TXK: variants seen among roughly 807,000 people sequenced by gnomAD.
TXK encodes TXK tyrosine kinase, also known as tyrosine-protein kinase TXK.
A neutral mutation model predicts 81.0 loss-of-function variants in TXK; 60 were observed. The ratio of observed to expected loss-of-function variants is 0.74; its 90% CI spans 0.60 to 0.92. TXK has a LOEUF of 0.92. TXK is among the 40% of genes least tolerant of loss of function. The probability of loss-of-function intolerance (pLI) is 0.00; values close to 1 mark genes in which losing one functional copy is unlikely to be tolerated. For synonymous variants in TXK, 203 were observed against 210.7 expected, an observed-to-expected ratio of 0.96 and a Z score of 0.32; for missense variants, 581 against 638.3, an observed-to-expected ratio of 0.91 and a Z score of 0.97.
chr4:48,097,010 C>T (rs563012375), intron 6 of TXK, among the ~76,000 whole-genome samples: 7 of 151,962 alleles, frequency 4.6e-5, no homozygotes, highest in African/African-American at 1.4e-4. Context: ...TAAGCATATT[C>T]AACTCAAGAA....
intron 1 of TXK, among the ~76,000 whole-genome samples, chr4:48,119,201 G>A (rs1718887015): frequency 6.6e-6 from 1 of 152,156 alleles, no homozygotes; most frequent in South Asian, 2.1e-4. Context: ...CCAAGATAAA[G>A]TTTAGGATGG....
At chr4:48,100,171 CAAAA>C (rs11341305) in intron 6 of TXK, among the ~76,000 whole-genome samples, 8 of 53,950 alleles carry the variant, frequency 1.5e-4, no homozygotes, top group Non-Finnish European at 1.6e-4. Context: ...GACTCCATCT[CAAAA>C]AAAAAAAAAA....
intron 2 of TXK, among the ~76,000 whole-genome samples, chr4:48,113,847 T>C (rs968971213): frequency 1.1e-4 from 16 of 152,168 alleles, no homozygotes; most frequent in Admixed American, 2.6e-4. Context: ...TTGAGAACTG[T>C]ATGAGTTAAT....
chr4:48,071,390 G>T, intron 14 of TXK, 127 bp downstream of exon 14: 1 of 940,772 alleles, frequency 1.1e-6, no homozygotes, highest in Non-Finnish European at 1.6e-6. Flanking sequence ...CAGACTCTCA[G>T]GATCATGACC....
intron 6 of TXK, among the ~76,000 whole-genome samples, chr4:48,100,052 G>T (rs1201325610): frequency 6.6e-6 from 1 of 150,558 alleles, no homozygotes; most frequent in Non-Finnish European, 1.5e-5. Flanking sequence ...GGCGCCTGTA[G>T]TCCCAGCTAC....
intron 14 of TXK, among the ~76,000 whole-genome samples, chr4:48,069,215 T>C (rs936710045): frequency 3.3e-5 from 5 of 152,068 alleles, no homozygotes; most frequent in Non-Finnish European, 5.9e-5. Flanking sequence ...GCTGGGCGGA[T>C]TGCGTAAGCC....
At chr4:48,124,939 G>T (rs1300222424) in intron 1 of TXK, among the ~76,000 whole-genome samples, 1 of 152,168 alleles carries the variant, frequency 6.6e-6, no homozygotes, top group East Asian at 1.9e-4. Flanking sequence ...GCAACAATGT[G>T]ATTTTGGGCA....
At chr4:48,107,486 G>A (rs1050404130) in intron 5 of TXK, among the ~76,000 whole-genome samples, 1 of 151,334 alleles carries the variant, frequency 6.6e-6, no homozygotes, top group African/African-American at 2.4e-5. Context: ...CCCCTGCCCT[G>A]TTTTCTTCCA....
intron 1 of TXK, among the ~76,000 whole-genome samples, chr4:48,123,848 C>T (rs566257348): frequency 1.3e-4 from 20 of 152,280 alleles, no homozygotes; most frequent in African/African-American, 4.8e-4. Flanking sequence ...CAAGGTCTTC[C>T]ATAAGTGACC....
intron 6 of TXK, among the ~76,000 whole-genome samples, chr4:48,096,019 A>G (rs1717966001): frequency 6.6e-6 from 1 of 152,248 alleles, no homozygotes; most frequent in African/African-American, 2.4e-5. Flanking sequence ...GCTTACACTT[A>G]TAAAGTGCTG....
At chr4:48,128,067 CG>C (rs1560364455) in intron 1 of TXK, among the ~76,000 whole-genome samples, 1 of 152,118 alleles carries the variant, frequency 6.6e-6, no homozygotes, top group East Asian at 1.9e-4. Context: ...CCGGGCTGCG[CG>C]GGAAGCAAAG....
chr4:48,089,992 A>G (rs1453189895), intron 8 of TXK, among the ~76,000 whole-genome samples, 168 bp from the exon 9 acceptor site: 3 of 152,130 alleles, frequency 2.0e-5, no homozygotes, highest in Non-Finnish European at 2.9e-5. Flanking sequence ...AAAAAAATAT[A>G]TACTCATTGT....
At chr4:48,130,837 A>T (rs1284236075) in intron 1 of TXK, among the ~76,000 whole-genome samples, 1 of 152,192 alleles carries the variant, frequency 6.6e-6, no homozygotes, top group Non-Finnish European at 1.5e-5. Flanking sequence ...CAGTGTGACC[A>T]AAACATCCTT....
At chr4:48,104,804 T>C in intron 6 of TXK, 97 bp downstream of exon 6, 1 of 913,860 alleles carries the variant, frequency 1.1e-6, no homozygotes, top group Admixed American at 2.5e-5. Context: ...ATTTTAGAAC[T>C]AGAAAAGACA....
intron 1 of TXK, among the ~76,000 whole-genome samples, chr4:48,129,793 C>A (rs1019723520): frequency 2.6e-5 from 4 of 152,192 alleles, no homozygotes; most frequent in African/African-American, 9.7e-5. Flanking sequence ...CCCACTCCCC[C>A]ACATCTCAAA....
chr4:48,118,253 T>C (rs1718865025), intron 1 of TXK, among the ~76,000 whole-genome samples: 1 of 152,192 alleles, frequency 6.6e-6, no homozygotes, highest in Non-Finnish European at 1.5e-5. Flanking sequence ...TATAGTACAA[T>C]GGCTATTTCC....
chr4:48,070,576 T>TTATG (rs1201702376), intron 14 of TXK, among the ~76,000 whole-genome samples: 9 of 152,122 alleles, frequency 5.9e-5, no homozygotes, highest in Non-Finnish European at 1.0e-4. Flanking sequence ...ATTTGCTTAT[T>TTATG]TATTTATTTA....
In TXK at chr4:48,134,143, C is replaced by T. The variant is rs374172177; in HGVS notation, c.16+12G>A. The stretch of plus-strand genomic sequence containing the variant: ...AGCCCCAAAAATAAATGACAAAGCC[C>T]ATCTTACTCACAGGAGGAAAGGATC... On this transcript the variant is annotated intron_variant, in intron 1 of 14. Transcript: ENST00000264316. 264 of 1,612,642 alleles carry T rather than the reference C, an allele frequency of 1.6e-4. No individual in the cohort carries two copies. Among genetic ancestry groups the T allele is most frequent in the Non-Finnish European group, 2.2e-4 (255 of 1,179,370 alleles).
At chr4:48,076,839 C>T (rs865922336) in intron 11 of TXK, among the ~76,000 whole-genome samples, 16 of 152,214 alleles carry the variant, frequency 1.1e-4, no homozygotes, top group East Asian at 7.7e-4. Context: ...ATGCTGCCCA[C>T]GCTGGTCTTG....
Sources: allele counts gnomAD v4.1 joint callset (sites outside exome capture counted in the v4.1 genomes callset), GRCh38; gene constraint gnomAD v4.1.1; transcripts MANE v1.5; gene names NCBI Gene and HGNC (gene_info 2026-07-23, HGNC 2026-07-21).